The following KDM4C variants were observed in gnomAD, a reference collection of about 807,000 sequenced individuals.
The protein encoded by KDM4C is lysine-specific demethylase 4C.
Under a neutral mutation model 129.3 loss-of-function variants are expected in KDM4C, and 81 were observed. That is an observed-to-expected ratio of 0.63 (90% CI 0.52 to 0.75). The LOEUF (loss-of-function observed/expected upper bound fraction) is 0.75. KDM4C is among the 30% of genes least tolerant of loss of function. KDM4C has a pLI of 0.00. For missense variants in KDM4C, 1,457 were observed against 1,304.0 expected, an observed-to-expected ratio of 1.12 and a Z score of -1.81; for synonymous variants, 573 against 456.1, an observed-to-expected ratio of 1.26 and a Z score of -3.26.
intron 1 of KDM4C, among the ~76,000 whole-genome samples, chr9:6,767,296 A>C (rs1172674240): frequency 1.4e-5 from 2 of 143,792 alleles, no homozygotes; most frequent in African/African-American, 2.6e-5. Context: ...CCCTCACCTC[A>C]CGCCCGGCTA....
intron 12 of KDM4C, among the ~76,000 whole-genome samples, chr9:6,992,417 C>T (rs1399415004): frequency 6.6e-6 from 1 of 152,198 alleles, no homozygotes; most frequent in Non-Finnish European, 1.5e-5. Flanking sequence ...ATGATTGTAG[C>T]TTTTGCAACA....
intron 12 of KDM4C, among the ~76,000 whole-genome samples, chr9:6,993,053 G>C (rs1233925691): frequency 1.3e-5 from 2 of 152,100 alleles, no homozygotes; most frequent in Non-Finnish European, 2.9e-5. Context: ...AAACACCATA[G>C]ATCATTCTGA....
chr9:7,025,752 G>C (rs1191754050), intron 15 of KDM4C, among the ~76,000 whole-genome samples: 1 of 152,050 alleles, frequency 6.6e-6, no homozygotes, highest in Non-Finnish European at 1.5e-5. Context: ...GTTTTGGTTG[G>C]TTCATCTTTT....
chr9:7,030,379 T>C (rs1484572971), intron 15 of KDM4C, among the ~76,000 whole-genome samples: 1 of 152,208 alleles, frequency 6.6e-6, no homozygotes, highest in Non-Finnish European at 1.5e-5. Flanking sequence ...TTTGATAGTA[T>C]AATGGTAAAT....
chr9:6,739,196 C>T (rs538683107), intron 1 of KDM4C, among the ~76,000 whole-genome samples: 1 of 151,858 alleles, frequency 6.6e-6, no homozygotes, highest in African/African-American at 2.4e-5. Flanking sequence ...CCTCAGCTTC[C>T]CGAGTAGCTG....
intron 6 of KDM4C, among the ~76,000 whole-genome samples, chr9:6,880,517 G>A (rs1253267963): frequency 2.0e-5 from 3 of 151,966 alleles, no homozygotes; most frequent in African/African-American, 7.3e-5. Flanking sequence ...CACTGCCGAC[G>A]CCCAGTTCTT....
At chr9:7,068,386 T>C (rs1229873400) in intron 17 of KDM4C, among the ~76,000 whole-genome samples, 1 of 152,208 alleles carries the variant, frequency 6.6e-6, no homozygotes, top group Non-Finnish European at 1.5e-5. Context: ...TGTATACAAT[T>C]TGATCACCTC....
chr9:6,999,051 T>C (rs1356083812), intron 12 of KDM4C, among the ~76,000 whole-genome samples: 2 of 152,214 alleles, frequency 1.3e-5, no homozygotes, highest in Non-Finnish European at 2.9e-5. Flanking sequence ...TCAGACACTT[T>C]GCAATTGTCC....
intron 4 of KDM4C, among the ~76,000 whole-genome samples, chr9:6,847,022 CT>C (rs1366634740): frequency 6.6e-6 from 1 of 152,150 alleles, no homozygotes; most frequent in Non-Finnish European, 1.5e-5. Flanking sequence ...TATTTGATCT[CT>C]ACCCTCTTCC....
chr9:7,144,095 CTTTTTGTTTTTTTTTTG>C (rs1247476501), intron 19 of KDM4C, among the ~76,000 whole-genome samples: 2 of 151,634 alleles, frequency 1.3e-5, no homozygotes, highest in African/African-American at 4.8e-5. Context: ...CATTACTCCT[CTTTTTGTTTTTTTTTTG>C]TTTTTGTTTT....
At chr9:6,762,090 G>T (rs934572355) in intron 1 of KDM4C, among the ~76,000 whole-genome samples, 1 of 152,054 alleles carries the variant, frequency 6.6e-6, no homozygotes, top group African/African-American at 2.4e-5. Context: ...GAGCCATCAT[G>T]CCTGCCCATT....
chr9:7,011,635 A>C, intron 12 of KDM4C, 63 bp from the exon 13 acceptor site: 5 of 1,405,710 alleles, frequency 3.6e-6, no homozygotes, highest in African/African-American at 1.4e-5. Context: ...TTTCTTTTGT[A>C]CTCAGGGTGA....
chr9:6,900,783 G>A (rs1230482413), intron 8 of KDM4C, among the ~76,000 whole-genome samples: 4 of 152,194 alleles, frequency 2.6e-5, no homozygotes. Flanking sequence ...GTAGGGGTGA[G>A]AGCAAAGGTT....
At chr9:7,069,008 A>G (rs1168765533) in intron 17 of KDM4C, among the ~76,000 whole-genome samples, 4 of 151,648 alleles carry the variant, frequency 2.6e-5, no homozygotes, top group African/African-American at 9.7e-5. Context: ...ATGATGCCCT[A>G]CTTTCTATCC....
At position 7,102,309 on chromosome 9, in the gene KDM4C, C is replaced by CTTTTTTTTT. The variant is rs34614459; in HGVS notation, c.2425-1360_2425-1352dup. Among the ~76,000 whole-genome samples the CTTTTTTTTT allele has an allele frequency of 3.9e-4, 35 of 89,986 alleles. 1 individual carries two copies. The highest frequency in any genetic ancestry group is 6.0e-4 in the Non-Finnish European group (29 of 48,314). 59.0% of individuals were successfully genotyped at this position (89,986 alleles called of 152,430 possible). On this transcript the variant is annotated intron_variant, in intron 17 of 21. Transcript: ENST00000381309. ...TGGCTCTTGCACCTCATGGTTTTCCCTTTTTTTTTTTTTTTTTTTTTTTTG... is the reference window on the plus strand; with the variant it reads ...TGGCTCTTGCACCTCATGGTTTTCCCTTTTTTTTTTTTTTTTTTTTTTTTTTTTTTTTTG...
At chr9:6,880,817 C>T (rs749487614) in intron 6 of KDM4C, among the ~76,000 whole-genome samples, 6 of 152,142 alleles carry the variant, frequency 3.9e-5, no homozygotes, top group East Asian at 1.9e-4. Context: ...ATAAGCCAGG[C>T]GGCCTTGCCC....
At chr9:6,853,735 A>G (rs1839268974) in intron 5 of KDM4C, among the ~76,000 whole-genome samples, 1 of 152,128 alleles carries the variant, frequency 6.6e-6, no homozygotes. Context: ...CAGATAGAAA[A>G]CTGCTTTGAC....
chr9:6,866,995 G>A (rs200645503), intron 5 of KDM4C, among the ~76,000 whole-genome samples: 2,004 of 31,356 alleles, frequency 0.064, 21 homozygotes, highest in East Asian at 0.32. Flanking sequence ...GTGTGTGTGT[G>A]TGTGTATATA....
intron 7 of KDM4C, among the ~76,000 whole-genome samples, chr9:6,892,191 G>A (rs550887596): frequency 1.3e-5 from 2 of 152,086 alleles, no homozygotes; most frequent in African/African-American, 4.8e-5. Context: ...AGATATAAGG[G>A]GTCTATCCTA....
Sources: allele counts gnomAD v4.1 joint callset (sites outside exome capture counted in the v4.1 genomes callset), GRCh38; gene constraint gnomAD v4.1.1; transcripts MANE v1.5; gene names NCBI Gene and HGNC (gene_info 2026-07-23, HGNC 2026-07-21).